The following AKT3 variants were observed in gnomAD, a reference collection of about 807,000 sequenced individuals.
The protein encoded by AKT3 is RAC-gamma serine/threonine-protein kinase.
AKT3 carries 15 observed loss-of-function variants against 65.3 expected under a neutral mutation model. The ratio of observed to expected loss-of-function variants is 0.23; its 90% CI spans 0.15 to 0.35. The LOEUF (loss-of-function observed/expected upper bound fraction) is 0.35. Among genes scored for constraint, AKT3 ranks in the 10% least tolerant of loss-of-function variants. AKT3 has a pLI of 1.00. For synonymous variants in AKT3, 206 were observed against 183.8 expected, an observed-to-expected ratio of 1.12 and a Z score of -0.98; for missense variants, 243 against 576.5, an observed-to-expected ratio of 0.42 and a Z score of 5.92.
At chr1:243,825,211 A>G (rs1283581563) in intron 2 of AKT3, among the ~76,000 whole-genome samples, 1 of 152,206 alleles carries the variant, frequency 6.6e-6, no homozygotes, top group Non-Finnish European at 1.5e-5. Context: ...ATGAGAACAC[A>G]TGGACACAGG....
At chr1:243,751,086 C>A (rs924293355) in intron 2 of AKT3, among the ~76,000 whole-genome samples, 8 of 151,932 alleles carry the variant, frequency 5.3e-5, no homozygotes, top group Non-Finnish European at 1.2e-4. Flanking sequence ...GTGAAAACTG[C>A]TCTATAATTT....
At chr1:243,773,452 G>A (rs993387156) in intron 2 of AKT3, among the ~76,000 whole-genome samples, 1 of 151,898 alleles carries the variant, frequency 6.6e-6, no homozygotes, top group Non-Finnish European at 1.5e-5. Context: ...ATCTTTCTAT[G>A]CCTCTTTCAG....
Position 243,791,277 on chromosome 1 carries a change from C to T in AKT3, c.46+51848G>A, listed in dbSNP as rs1024128689. Among the ~76,000 whole-genome samples the T allele has an allele frequency of 6.0e-5, 6 of 100,470 alleles. No individual in the cohort carries two copies. In the South Asian group the frequency reaches 1.3e-3, roughly 21 times the overall value. The allele number at this position is 100,470 out of a possible 152,430, so 65.9% of individuals were successfully genotyped here. On this transcript the variant is annotated intron_variant, in intron 2 of 13. Coordinates refer to ENST00000673466, the MANE Select transcript of AKT3 (RefSeq NM_005465.7). ...AAAGTCTATGCATGTTCAGTATGAACGTAACCATTCTTTTTTTTTTTTCTC... is the reference window on the plus strand; with the variant it reads ...AAAGTCTATGCATGTTCAGTATGAATGTAACCATTCTTTTTTTTTTTTCTC...
At chr1:243,497,340 G>GGC (rs1290875062), downstream of AKT3, among the ~76,000 whole-genome samples, 3 of 141,238 alleles carry the variant, frequency 2.1e-5, no homozygotes, top group African/African-American at 5.0e-5. Flanking sequence ...GCACGGGTGG[G>GGC]GGGGGGGGCG....
chr1:243,646,343 G>A (rs1680810676), intron 4 of AKT3, among the ~76,000 whole-genome samples: 1 of 151,582 alleles, frequency 6.6e-6, no homozygotes, highest in African/African-American at 2.4e-5. Context: ...TTATTTGTCT[G>A]TACATATATA....
At chr1:243,671,012 A>C (rs1683119921) in intron 3 of AKT3, among the ~76,000 whole-genome samples, 1 of 152,228 alleles carries the variant, frequency 6.6e-6, no homozygotes, top group African/African-American at 2.4e-5. Context: ...TTAGCCATTT[A>C]AACACTAATT....
At chr1:243,800,031 TATTTC>T (rs1692283834) in intron 2 of AKT3, among the ~76,000 whole-genome samples, 1 of 152,320 alleles carries the variant, frequency 6.6e-6, no homozygotes, top group East Asian at 1.9e-4. Context: ...TCCAAGTTTC[TATTTC>T]CTTTACTTGC....
At chr1:243,604,616 GTT>G (rs1200464944) in intron 8 of AKT3, among the ~76,000 whole-genome samples, 2 of 152,172 alleles carry the variant, frequency 1.3e-5, no homozygotes, top group Non-Finnish European at 2.9e-5. Context: ...TTTAAGAAGA[GTT>G]TCCTACTCTG....
chr1:243,843,656 G>GTTTTTT, intron 1 of AKT3: 1 of 627,956 alleles, frequency 1.6e-6, no homozygotes, highest in Non-Finnish European at 2.0e-6. Context: ...TAAATTTTTT[G>GTTTTTT]TTTTTTTTTT....
At chr1:243,622,222 T>C (rs1678809895) in intron 6 of AKT3, among the ~76,000 whole-genome samples, 1 of 152,214 alleles carries the variant, frequency 6.6e-6, no homozygotes, top group African/African-American at 2.4e-5. Context: ...CTATTTCCCC[T>C]TGCTGGAACA....
intron 3 of AKT3, among the ~76,000 whole-genome samples, chr1:243,685,867 A>C (rs117662636): frequency 0.014 from 2,132 of 152,304 alleles, 28 homozygotes; most frequent in Admixed American, 0.043. Flanking sequence ...CCTTCTTCTC[A>C]GCCCCAATCT....
chr1:243,704,241 A>G (rs922404164), intron 2 of AKT3, among the ~76,000 whole-genome samples: 1 of 152,228 alleles, frequency 6.6e-6, no homozygotes, highest in Admixed American at 6.5e-5. Context: ...AAAACGGGCT[A>G]ACAGTTATTC....
intron 2 of AKT3, among the ~76,000 whole-genome samples, chr1:243,703,622 G>C (rs1041302132): frequency 4.7e-4 from 71 of 151,814 alleles, no homozygotes; most frequent in African/African-American, 1.7e-3. Context: ...AGCCGGGCGT[G>C]GTGGCGGGGC....
intron 2 of AKT3, among the ~76,000 whole-genome samples, chr1:243,728,815 G>A (rs1291848910): frequency 6.6e-6 from 1 of 152,104 alleles, no homozygotes; most frequent in Non-Finnish European, 1.5e-5. Context: ...TCCCAGAAGA[G>A]GTAAAAAGTT....
At chr1:243,700,933 C>T (rs1572194622) in intron 2 of AKT3, among the ~76,000 whole-genome samples, 1 of 152,162 alleles carries the variant, frequency 6.6e-6, no homozygotes, top group African/African-American at 2.4e-5. Flanking sequence ...ACTCTCAAAC[C>T]AGAGCTCACC....
chr1:243,804,833 C>A (rs1388255012), intron 2 of AKT3, among the ~76,000 whole-genome samples: 1 of 146,720 alleles, frequency 6.8e-6, no homozygotes, highest in Non-Finnish European at 1.5e-5. Context: ...GGTGACAGAG[C>A]AAGACTCCAT....
At chr1:243,566,337 AC>A (rs1207701439) in intron 9 of AKT3, among the ~76,000 whole-genome samples, 1 of 152,198 alleles carries the variant, frequency 6.6e-6, no homozygotes, top group African/African-American at 2.4e-5. Flanking sequence ...GCTGAGGGTG[AC>A]CAACTCCCAG....
At chr1:243,708,811 T>G (rs967561600) in intron 2 of AKT3, among the ~76,000 whole-genome samples, 4 of 152,048 alleles carry the variant, frequency 2.6e-5, no homozygotes, top group African/African-American at 9.6e-5. Context: ...TTGAGGAGGA[T>G]AACAATTCAG....
intron 8 of AKT3, among the ~76,000 whole-genome samples, chr1:243,610,084 C>A (rs981772753): frequency 6.6e-6 from 1 of 152,178 alleles, no homozygotes; most frequent in Non-Finnish European, 1.5e-5. Context: ...TACCAGAGTG[C>A]CTTCCACAAA....
Sources: gnomAD v4.1 joint callset for allele counts (sites outside exome capture counted in the v4.1 genomes callset) on GRCh38, gnomAD v4.1.1 for gene constraint, MANE v1.5 for transcripts, NCBI Gene and HGNC (gene_info 2026-07-23, HGNC 2026-07-21) for gene names.